Variants in SVOP observed in about 807,000 individuals in gnomAD.
The protein encoded by SVOP is synaptic vesicle 2-related protein.
SVOP carries 17 observed loss-of-function variants against 69.1 expected under a neutral mutation model. The observed-to-expected ratio is 0.25, with a 90% CI of 0.17 to 0.37. The LOEUF (loss-of-function observed/expected upper bound fraction) is 0.37, where lower values mean the gene tolerates loss of function less well. Among genes scored for constraint, SVOP ranks in the 10% least tolerant of loss-of-function variants. SVOP has a pLI of 1.00. For synonymous variants in SVOP, 238 were observed against 238.6 expected, an observed-to-expected ratio of 1.00 and a Z score of 0.02; for missense variants, 435 against 597.5, an observed-to-expected ratio of 0.73 and a Z score of 2.84.
At chr12:108,955,020 C>A (rs930963734) in intron 6 of SVOP, among the ~76,000 whole-genome samples, 1 of 152,082 alleles carries the variant, frequency 6.6e-6, no homozygotes, top group African/African-American at 2.4e-5. Flanking sequence ...CTGTCTCTCA[C>A]AAAAAGAAAA....
chr12:109,007,163 G>A (rs1036996267), intron 1 of SVOP, among the ~76,000 whole-genome samples: 11 of 152,294 alleles, frequency 7.2e-5, no homozygotes, highest in African/African-American at 2.6e-4. Context: ...TGGGGAACTC[G>A]ATCAAAAACA....
At chr12:108,978,950 T>C (rs2040121273) in intron 2 of SVOP, among the ~76,000 whole-genome samples, 2 of 152,164 alleles carry the variant, frequency 1.3e-5, no homozygotes, top group South Asian at 2.1e-4. Flanking sequence ...CATTATGAAA[T>C]ATGACCCAAC....
At chr12:108,983,557 T>G (rs990229805) in intron 2 of SVOP, 44 bp downstream of exon 2, 2 of 398,764 alleles carry the variant, frequency 5.0e-6, no homozygotes, top group Non-Finnish European at 8.8e-6. Context: ...TAGGCAACCT[T>G]GACCGTGGCC....
chr12:109,009,453 G>A (rs1593209219), intron 1 of SVOP, among the ~76,000 whole-genome samples: 3 of 152,108 alleles, frequency 2.0e-5, no homozygotes, highest in Admixed American at 6.5e-5. Flanking sequence ...AGTCAGAGGA[G>A]TGAGGCTTAA....
chr12:108,927,992 G>A (rs561974366), intron 11 of SVOP, among the ~76,000 whole-genome samples: 2 of 149,924 alleles, frequency 1.3e-5, no homozygotes, highest in East Asian at 3.9e-4. Context: ...TGCAACCTCC[G>A]CCTCCTGGGT....
At chr12:108,960,854 G>T in intron 6 of SVOP, 69 bp downstream of exon 6, 1 of 1,509,740 alleles carries the variant, frequency 6.6e-7, no homozygotes, top group South Asian at 1.3e-5. Flanking sequence ...CCTAACTCCT[G>T]ATCCAGACCA....
chr12:108,934,154 T>A, intron 11 of SVOP, 41 bp downstream of exon 11: 1 of 1,538,478 alleles, frequency 6.5e-7, no homozygotes, highest in Non-Finnish European at 8.9e-7. Context: ...GTGCCGAGGG[T>A]GTGGGAGTAG....
At chr12:108,962,075 A>G (rs2040021412) in intron 5 of SVOP, among the ~76,000 whole-genome samples, 1 of 152,198 alleles carries the variant, frequency 6.6e-6, no homozygotes. Context: ...CCTAATTTGC[A>G]AATGAAACAA....
intron 7 of SVOP, among the ~76,000 whole-genome samples, chr12:108,943,363 C>T (rs1002906320): frequency 6.6e-6 from 1 of 151,626 alleles, no homozygotes; most frequent in East Asian, 2.0e-4. Context: ...TTTGGGAGGC[C>T]GAGGTGGGTG....
chr12:108,979,090 T>TATATATATGC (rs200882755), intron 2 of SVOP, among the ~76,000 whole-genome samples: 101,440 of 151,638 alleles, frequency 0.67, 34,420 homozygotes, highest in East Asian at 0.78. Context: ...CATGTGGGTG[T>TATATATATGC]ACATGTATCT....
At chr12:108,917,666 A>G (rs1255963728) in intron 14 of SVOP, among the ~76,000 whole-genome samples, 8 of 144,470 alleles carry the variant, frequency 5.5e-5, no homozygotes, top group Admixed American at 6.9e-5. Context: ...TTTTTGAGAT[A>G]GGGTTTTGCT....
At chr12:108,989,853 TG>T (rs1463002953) in intron 1 of SVOP, among the ~76,000 whole-genome samples, 2 of 152,246 alleles carry the variant, frequency 1.3e-5, no homozygotes. Context: ...TCGAACTCCT[TG>T]GATAATAGCC....
intron 6 of SVOP, 133 bp downstream of exon 6, chr12:108,960,790 A>T: frequency 3.6e-6 from 4 of 1,103,490 alleles, no homozygotes; most frequent in Non-Finnish European, 5.0e-6. Context: ...TAGCTCCTTG[A>T]TCCTGGAAGC....
intron 2 of SVOP, among the ~76,000 whole-genome samples, chr12:108,980,364 G>A (rs2040128756): frequency 6.6e-6 from 1 of 152,128 alleles, no homozygotes. Flanking sequence ...CATTAGGGGA[G>A]GCTGGGTAAA....
At chr12:108,936,585 C>G (rs1338335801) in intron 10 of SVOP, among the ~76,000 whole-genome samples, 1 of 152,200 alleles carries the variant, frequency 6.6e-6, no homozygotes, top group Admixed American at 6.5e-5. Context: ...AAGTGATCCT[C>G]CCACCTCAGC....
At chr12:109,012,882 T>C (rs373819641) in intron 1 of SVOP, among the ~76,000 whole-genome samples, 1 of 152,208 alleles carries the variant, frequency 6.6e-6, no homozygotes. Context: ...TGAGCCATGA[T>C]TGTGCCACTG....
intron 6 of SVOP, among the ~76,000 whole-genome samples, chr12:108,958,179 T>G (rs1375858634): frequency 6.6e-6 from 1 of 152,160 alleles, no homozygotes; most frequent in African/African-American, 2.4e-5. Flanking sequence ...TTTTCATTAT[T>G]CTTTAATAGC....
chr12:109,007,437 C>CTCTCAA (rs1173782907), intron 1 of SVOP, among the ~76,000 whole-genome samples: 1 of 152,178 alleles, frequency 6.6e-6, no homozygotes, highest in Admixed American at 6.5e-5. Context: ...AAGAAGGTGC[C>CTCTCAA]TCTCAACCTG....
chr12:108,921,542 G>C (rs2039748415), intron 12 of SVOP, among the ~76,000 whole-genome samples: 1 of 152,096 alleles, frequency 6.6e-6, no homozygotes, highest in Non-Finnish European at 1.5e-5. Context: ...AATTCCACTG[G>C]GGGACTCAAA....
Sources: gnomAD v4.1 joint callset for allele counts (sites outside exome capture counted in the v4.1 genomes callset) on GRCh38, gnomAD v4.1.1 for gene constraint, MANE v1.5 for transcripts, NCBI Gene and HGNC (gene_info 2026-07-23, HGNC 2026-07-21) for gene names.